FAHD2B: variants seen among roughly 807,000 people sequenced by gnomAD.
FAHD2B encodes the protein fumarylacetoacetate hydrolase domain containing 2B, also known as oxaloacetate tautomerase FAHD2B, mitochondrial.
FAHD2B carries 26 observed loss-of-function variants against 33.7 expected under a neutral mutation model. That is an observed-to-expected ratio of 0.77 (90% CI 0.57 to 1.07). The LOEUF is 1.07. Among genes scored for constraint, FAHD2B ranks in the 50% least tolerant of loss-of-function variants. The pLI is 0.00. For missense variants in FAHD2B, 272 were observed against 388.1 expected, an observed-to-expected ratio of 0.70 and a Z score of 2.51; for synonymous variants, 108 against 150.9, an observed-to-expected ratio of 0.72 and a Z score of 2.08.
downstream of FAHD2B, chr2:97,083,159 C>A: frequency 3.1e-6 from 5 of 1,589,356 alleles, no homozygotes; most frequent in Non-Finnish European, 4.3e-6. Context: ...CAGCAGACGC[C>A]GAGCCCTGCA....
Position 97,086,045 on chromosome 2 carries a change from T to G in FAHD2B, c.522+94A>C, listed in dbSNP as rs62155549. 5.2e-6 allele frequency: 7 copies of G among 1,349,238 alleles called. No homozygotes were observed. In the South Asian group the frequency reaches 7.6e-5, roughly 15 times the overall value. The allele number at this position is 1,349,238 out of a possible 1,614,324, so 83.6% of individuals were successfully genotyped here. A position where few individuals can be genotyped will look rare whatever the true frequency, so the allele number is the denominator to read the frequency against. ...GCTTCCTAGTGTCAGGGACAGCTGG[T>G]GCCGTGTGTCGGTGAGTGAGGTCAG... On this transcript the variant is annotated intron_variant, in intron 5 of 8. Transcript: ENST00000414820.
At position 97,085,016 on chromosome 2, in the gene FAHD2B, G is replaced by C. The variant is rs537455259; in HGVS notation, c.685+683C>G. Among the ~76,000 whole-genome samples the C allele has an allele frequency of 2.0e-5, 3 of 152,142 alleles. No individual in the cohort carries two copies. The East Asian group carries it at 5.8e-4, about 29-fold the overall frequency. On this transcript the variant is annotated intron_variant, in intron 6 of 8. Coordinates refer to ENST00000414820, the MANE Select transcript of FAHD2B (RefSeq NM_001320848.2). ...AGCCGCTGGCAGGGGATGGATTACTGTAAGAACATCCTGGCTAACCAGCAC... is the reference window on the plus strand; with the variant it reads ...AGCCGCTGGCAGGGGATGGATTACTCTAAGAACATCCTGGCTAACCAGCAC...
chr2:97,081,378 C>T (rs979507777), downstream of FAHD2B: 6 of 1,559,206 alleles, frequency 3.8e-6, no homozygotes, highest in Non-Finnish European at 4.3e-6. Flanking sequence ...CGGTCTTTGG[C>T]TAGGCCCCTG....
At chr2:97,085,660 G>T in intron 6 of FAHD2B, 39 bp downstream of exon 6, 1 of 1,611,690 alleles carries the variant, frequency 6.2e-7, no homozygotes, top group Non-Finnish European at 8.5e-7. Context: ...GTTCATCTGT[G>T]CAATGGTAGG....
At chr2:97,084,783 C>T (rs2031856035) in intron 6 of FAHD2B, among the ~76,000 whole-genome samples, 1 of 151,692 alleles carries the variant, frequency 6.6e-6, no homozygotes, top group Non-Finnish European at 1.5e-5. Context: ...CGTGGTGGTG[C>T]GTGCCTGTAG....
downstream of FAHD2B, chr2:97,082,677 A>G (rs911022090): frequency 3.8e-6 from 6 of 1,578,600 alleles, no homozygotes; most frequent in African/African-American, 5.4e-5. Context: ...CCCTACCTAG[A>G]GCCTTCACTT....
At chr2:97,079,093 G>A (rs1318642304), downstream of FAHD2B, among the ~76,000 whole-genome samples, 2 of 152,066 alleles carry the variant, frequency 1.3e-5, no homozygotes, top group African/African-American at 2.4e-5. Context: ...TGCAAAGGTC[G>A]TGATCTTATT....
intron 2 of FAHD2B, 49 bp downstream of exon 2, chr2:97,091,814 A>C: frequency 6.7e-7 from 1 of 1,501,030 alleles, no homozygotes; most frequent in Non-Finnish European, 8.9e-7. Flanking sequence ...TTGCCCCATC[A>C]ACCGTTCCCT....
At chr2:97,082,609 C>T (rs2031689899), downstream of FAHD2B, 1 of 1,563,504 alleles carries the variant, frequency 6.4e-7, no homozygotes, top group East Asian at 2.2e-5. Context: ...AGTTCTATCC[C>T]TCCCGGGGCT....
intron 4 of FAHD2B, among the ~76,000 whole-genome samples, chr2:97,087,144 T>C (rs939578259): frequency 5.3e-5 from 8 of 151,998 alleles, no homozygotes; most frequent in Non-Finnish European, 1.2e-4. Context: ...CTCCGCCTCC[T>C]GGGTTCACAC....
downstream of FAHD2B, chr2:97,082,883 T>C (rs977018213): frequency 5.2e-6 from 4 of 773,818 alleles, no homozygotes; most frequent in Non-Finnish European, 9.0e-6. Context: ...ATTAAGACCC[T>C]GGGATTTACT....
At chr2:97,082,543 C>A (rs992846388), downstream of FAHD2B, 48 of 1,598,160 alleles carry the variant, frequency 3.0e-5, no homozygotes, top group Non-Finnish European at 3.9e-5. Flanking sequence ...CAGACAGTGA[C>A]AACCCAAGTC....
At chr2:97,082,584 C>G, downstream of FAHD2B, 1 of 1,575,356 alleles carries the variant, frequency 6.3e-7, no homozygotes, top group Non-Finnish European at 8.7e-7. Context: ...TACAGACAGT[C>G]TTCTGTCCAG....
At chr2:97,080,061 A>G (rs117973414), downstream of FAHD2B, among the ~76,000 whole-genome samples, 130 of 152,204 alleles carry the variant, frequency 8.5e-4, 2 homozygotes, top group East Asian at 0.023. Context: ...CTCTGCTGTT[A>G]GTTTCTTTTG....
intron 1 of FAHD2B, among the ~76,000 whole-genome samples, chr2:97,094,239 T>C (rs2032527882): frequency 1.3e-5 from 2 of 152,046 alleles, no homozygotes; most frequent in Non-Finnish European, 2.9e-5. Flanking sequence ...CCTTCCCACA[T>C]GACACACACA....
chr2:97,087,060 CTTT>C (rs1192923558), intron 4 of FAHD2B: 1 of 151,186 alleles, frequency 6.6e-6, no homozygotes, highest in Non-Finnish European at 1.5e-5. Context: ...AGCTTTTTTT[CTTT>C]TTTTTTGAGA....
At chr2:97,081,095 C>T (rs1239786648), downstream of FAHD2B, 7 of 1,511,400 alleles carry the variant, frequency 4.6e-6, no homozygotes, top group Middle Eastern at 1.8e-4. Context: ...GACCCTCCGC[C>T]CCCAGCCTGT....
chr2:97,090,756 G>C (rs566034106), intron 3 of FAHD2B, among the ~76,000 whole-genome samples: 31 of 151,726 alleles, frequency 2.0e-4, no homozygotes, highest in African/African-American at 7.0e-4. Flanking sequence ...AATACATAGA[G>C]AGTGTCCTCT....
At position 97,089,834 on chromosome 2, in the gene FAHD2B, T is replaced by C. The variant is rs570927424; in HGVS notation, c.462+275A>G. Reference sequence around the variant, plus strand: ...GAAGGTAGACAGAAAAACATTAATATTCCGAGCCATGGGCAGTGGGATTAT... The same window carrying C: ...GAAGGTAGACAGAAAAACATTAATACTCCGAGCCATGGGCAGTGGGATTAT... On this transcript the variant is annotated intron_variant, in intron 4 of 8. Transcript: ENST00000414820. 2.9e-4 allele frequency: 156 copies of C among 529,520 alleles called. 2 individuals carry two copies. The East Asian group carries it at 5.1e-3, about 17-fold the overall frequency. 32.8% of individuals were successfully genotyped at this position (529,520 alleles called of 1,614,324 possible). A position where few individuals can be genotyped will look rare whatever the true frequency, so the allele number is the denominator to read the frequency against.
Sources: allele counts gnomAD v4.1 joint callset (sites outside exome capture counted in the v4.1 genomes callset), GRCh38; gene constraint gnomAD v4.1.1; transcripts MANE v1.5; gene names NCBI Gene and HGNC (gene_info 2026-07-23, HGNC 2026-07-21).